FAM184B: variants seen among roughly 807,000 people sequenced by gnomAD.
The protein encoded by FAM184B is family with sequence similarity 184 member B, also known as protein FAM184B.
A neutral mutation model predicts 135.9 loss-of-function variants in FAM184B; 111 were observed. That is an observed-to-expected ratio of 0.82 (90% CI 0.70 to 0.96). The LOEUF (loss-of-function observed/expected upper bound fraction) is 0.96. Among genes scored for constraint, FAM184B ranks in the 40% least tolerant of loss-of-function variants. The pLI is 0.00. For missense variants in FAM184B, 1,375 were observed against 1,323.9 expected, an observed-to-expected ratio of 1.04 and a Z score of -0.60; for synonymous variants, 552 against 524.8, an observed-to-expected ratio of 1.05 and a Z score of -0.71.
intron 8 of FAM184B, among the ~76,000 whole-genome samples, chr4:17,661,689 C>A (rs1392496156): frequency 2.0e-5 from 3 of 152,180 alleles, no homozygotes; most frequent in Non-Finnish European, 4.4e-5. Context: ...AGCAATGAAG[C>A]AGGGATACCT....
At chr4:17,647,405 G>A (rs1024878010) in intron 12 of FAM184B, among the ~76,000 whole-genome samples, 3 of 151,874 alleles carry the variant, frequency 2.0e-5, no homozygotes, top group Non-Finnish European at 4.4e-5. Context: ...ATGCCACCAC[G>A]CCCAGCTAAT....
intron 1 of FAM184B, among the ~76,000 whole-genome samples, chr4:17,721,773 T>C (rs1301974147): frequency 1.3e-5 from 2 of 152,204 alleles, no homozygotes; most frequent in Non-Finnish European, 2.9e-5. Flanking sequence ...GACAGCCTGA[T>C]GTGGAGAGTC....
At chr4:17,699,775 A>AAATGG (rs1260324786) in intron 5 of FAM184B, among the ~76,000 whole-genome samples, 1 of 152,160 alleles carries the variant, frequency 6.6e-6, no homozygotes, top group Non-Finnish European at 1.5e-5. Flanking sequence ...AATGGCAAAC[A>AAATGG]AATGGGAAAA....
At chr4:17,718,150 A>G (rs144394049) in intron 1 of FAM184B, among the ~76,000 whole-genome samples, 166 of 152,324 alleles carry the variant, frequency 1.1e-3, no homozygotes, top group South Asian at 5.4e-3. Flanking sequence ...ATCAAATGAC[A>G]TTATGAACCA....
chr4:17,774,852 T>C (rs1268236219), intron 1 of FAM184B, among the ~76,000 whole-genome samples: 1 of 152,216 alleles, frequency 6.6e-6, no homozygotes, highest in Non-Finnish European at 1.5e-5. Flanking sequence ...CCCCATTTTG[T>C]CTCATGTATC....
chr4:17,661,541 G>A (rs527279352), intron 8 of FAM184B, among the ~76,000 whole-genome samples: 73 of 152,254 alleles, frequency 4.8e-4, no homozygotes, highest in Non-Finnish European at 8.8e-4. Flanking sequence ...CAATGAGAGC[G>A]AAACTCCACC....
At chr4:17,664,088 G>A (rs1446913979) in intron 8 of FAM184B, among the ~76,000 whole-genome samples, 2 of 152,070 alleles carry the variant, frequency 1.3e-5, no homozygotes, top group Non-Finnish European at 2.9e-5. Context: ...TAATATACCC[G>A]CAGAGCCTGA....
chr4:17,777,984 C>T (rs1430555128), intron 1 of FAM184B, among the ~76,000 whole-genome samples: 2 of 151,494 alleles, frequency 1.3e-5, no homozygotes, highest in African/African-American at 4.8e-5. Context: ...GCTTGTAGTC[C>T]AGCTTGAGTA....
At chr4:17,711,420 G>A (rs1345778536) in intron 1 of FAM184B, among the ~76,000 whole-genome samples, 1 of 152,124 alleles carries the variant, frequency 6.6e-6, no homozygotes, top group East Asian at 1.9e-4. Flanking sequence ...GGAGGTTGTG[G>A]TGAGCAGAGA....
At chr4:17,741,362 A>G (rs1256896710) in intron 1 of FAM184B, among the ~76,000 whole-genome samples, 1 of 152,200 alleles carries the variant, frequency 6.6e-6, no homozygotes, top group African/African-American at 2.4e-5. Context: ...GTAAGCAATA[A>G]GGTATCACAG....
intron 2 of FAM184B, among the ~76,000 whole-genome samples, 160 bp downstream of exon 2, chr4:17,708,732 G>GTGTGTA (rs1426174361): frequency 7.6e-6 from 1 of 132,384 alleles, no homozygotes; most frequent in Non-Finnish European, 1.6e-5. Context: ...GTGTGTGTGT[G>GTGTGTA]TGTGTGTGTG....
intron 13 of FAM184B, among the ~76,000 whole-genome samples, chr4:17,641,190 T>C (rs1361854737): frequency 1.3e-5 from 2 of 152,046 alleles, no homozygotes; most frequent in African/African-American, 4.8e-5. Context: ...TGCCTCAGCC[T>C]CCCAAAGTAC....
chr4:17,774,081 GA>G (rs1456937356), intron 1 of FAM184B, among the ~76,000 whole-genome samples: 1 of 152,172 alleles, frequency 6.6e-6, no homozygotes, highest in African/African-American at 2.4e-5. Flanking sequence ...GCTGCAAGAT[GA>G]AAAACCAGGT....
chr4:17,722,647 C>G (rs1315270832), intron 1 of FAM184B, among the ~76,000 whole-genome samples: 1 of 152,114 alleles, frequency 6.6e-6, no homozygotes, highest in South Asian at 2.1e-4. Flanking sequence ...TTAATGAGAG[C>G]CCCACCGTCT....
At chr4:17,660,282 G>A (rs747202290) in intron 8 of FAM184B, among the ~76,000 whole-genome samples, 195 bp from the exon 9 acceptor site, 77 of 152,164 alleles carry the variant, frequency 5.1e-4, no homozygotes, top group Non-Finnish European at 8.5e-4. Context: ...GGATACAATC[G>A]GGAACCACCT....
At position 17,757,780 on chromosome 4, in the gene FAM184B, A is replaced by C. The variant is rs1718454826; in HGVS notation, c.141+23379T>G. On this transcript the variant is annotated intron_variant, in intron 1 of 17. Transcript: ENST00000265018. ...AACAATAACAAATGCCTTCTTTCAG[A>C]GTACAGAATTTGTATAACTGGAATC... 3.3e-5 allele frequency among the ~76,000 whole-genome samples: 5 copies of C among 150,358 alleles called. No individual in the cohort carries two copies. In the South Asian group the frequency reaches 1.0e-3, roughly 31 times the overall value.
chr4:17,747,178 G>T (rs1718185056), intron 1 of FAM184B, among the ~76,000 whole-genome samples: 1 of 152,140 alleles, frequency 6.6e-6, no homozygotes, highest in African/African-American at 2.4e-5. Flanking sequence ...TGCATGGTGG[G>T]GGGCGGTGTG....
intron 8 of FAM184B, among the ~76,000 whole-genome samples, chr4:17,660,925 G>A (rs1190521680): frequency 1.3e-5 from 2 of 152,238 alleles, no homozygotes; most frequent in East Asian, 3.9e-4. Flanking sequence ...AAGGCCATGA[G>A]AAGGGGCACT....
chr4:17,659,862 T>G, intron 9 of FAM184B, 96 bp downstream of exon 9: 2 of 1,459,168 alleles, frequency 1.4e-6, no homozygotes, highest in Non-Finnish European at 1.8e-6. Context: ...CTTCCCAGCT[T>G]GGATGTGAAT....
Sources: allele counts gnomAD v4.1 joint callset (sites outside exome capture counted in the v4.1 genomes callset), GRCh38; gene constraint gnomAD v4.1.1; transcripts MANE v1.5; gene names NCBI Gene and HGNC (gene_info 2026-07-23, HGNC 2026-07-21).